The following MYO16 variants were observed in gnomAD, a reference collection of about 807,000 sequenced individuals.
MYO16 encodes the protein unconventional myosin-XVI.
MYO16 carries 94 observed loss-of-function variants against 205.3 expected under a neutral mutation model. That is an observed-to-expected ratio of 0.46 (90% CI 0.39 to 0.54). The LOEUF (loss-of-function observed/expected upper bound fraction) is 0.54. MYO16 is among the 20% of genes least tolerant of loss of function. MYO16 has a pLI of 0.00. For synonymous variants in MYO16, 988 were observed against 954.0 expected (o/e 1.04, Z -0.66); for missense variants, 2,315 against 2,387.5 (o/e 0.97, Z 0.63).
At chr13:108,826,529 G>A (rs569695758) in intron 9 of MYO16, among the ~76,000 whole-genome samples, 30 of 151,876 alleles carry the variant, frequency 2.0e-4, no homozygotes, top group African/African-American at 3.1e-4. Context: ...ATATGACACC[G>A]AAAGATAAGC....
At chr13:108,946,931 T>C (rs746951494) in intron 16 of MYO16, among the ~76,000 whole-genome samples, 2 of 152,064 alleles carry the variant, frequency 1.3e-5, no homozygotes, top group Non-Finnish European at 2.9e-5. Context: ...TTGTAGAGAC[T>C]GGGTAATTAA....
At chr13:109,188,551 C>T (rs1236154535) in intron 34 of MYO16, among the ~76,000 whole-genome samples, 12 of 152,180 alleles carry the variant, frequency 7.9e-5, no homozygotes, top group East Asian at 1.9e-4. Context: ...AGAACTAACA[C>T]GATAGATGAA....
At chr13:108,571,530 T>A in the MYO16 span, among the ~76,000 whole-genome samples, 1 of 152,164 alleles carries the variant, frequency 6.6e-6, no homozygotes, top group Non-Finnish European at 1.5e-5. Context: ...TTTTTTAAAA[T>A]GTCAAATGTG....
At chr13:108,501,517 C>A in the MYO16 span, among the ~76,000 whole-genome samples, 3 of 152,226 alleles carry the variant, frequency 2.0e-5, no homozygotes, top group Admixed American at 2.0e-4. Flanking sequence ...AGTTACACTG[C>A]TAGCTTAGCG....
At chr13:109,153,414 G>A (rs899332289) in intron 32 of MYO16, among the ~76,000 whole-genome samples, 2 of 113,208 alleles carry the variant, frequency 1.8e-5, no homozygotes, top group African/African-American at 3.1e-5. Context: ...GATATAGAAA[G>A]GATAGATTTT....
chr13:108,958,149 TTATAA>T (rs66692225), intron 17 of MYO16, among the ~76,000 whole-genome samples: 16,499 of 147,662 alleles, frequency 0.11, 1,062 homozygotes, highest in Non-Finnish European at 0.15. Context: ...AAATATATAT[TTATAA>T]TATATCATTT....
At chr13:108,876,670 T>TC (rs963697750) in intron 12 of MYO16, among the ~76,000 whole-genome samples, 11 of 6,332 alleles carry the variant, frequency 1.7e-3, no homozygotes, top group African/African-American at 4.2e-3. Context: ...ATTCTCTCTC[T>TC]TTTTTTTTTT....
chr13:109,178,116 T>G (rs1285888948), intron 33 of MYO16, among the ~76,000 whole-genome samples: 2 of 152,248 alleles, frequency 1.3e-5, no homozygotes, highest in East Asian at 3.9e-4. Flanking sequence ...TTGTGCCTGA[T>G]CTTGGATTGA....
chr13:108,731,811 A>T (rs1045900899), intron 4 of MYO16, among the ~76,000 whole-genome samples: 4 of 152,214 alleles, frequency 2.6e-5, no homozygotes, highest in Admixed American at 6.5e-5. Context: ...TTATTCATTC[A>T]TTCATTTACT....
At chr13:109,084,766 TG>T (rs1352677384) in intron 27 of MYO16, among the ~76,000 whole-genome samples, 2 of 151,910 alleles carry the variant, frequency 1.3e-5, no homozygotes, top group African/African-American at 2.4e-5. Flanking sequence ...AGCAATAGTT[TG>T]TGAATGTCTG....
intron 16 of MYO16, among the ~76,000 whole-genome samples, chr13:108,950,776 C>G (rs1457431042): frequency 6.6e-6 from 1 of 152,136 alleles, no homozygotes. Context: ...TCATAAGAGC[C>G]CCACTAGGAA....
At chr13:108,974,289 C>T in intron 20 of MYO16, among the ~76,000 whole-genome samples, 1 of 152,094 alleles carries the variant, frequency 6.6e-6, no homozygotes, top group Non-Finnish European at 1.5e-5. Context: ...CTGATTGATA[C>T]AATCAGGTAG....
At chr13:108,595,352 C>T (rs186724604), upstream of MYO16, among the ~76,000 whole-genome samples, 17 of 152,240 alleles carry the variant, frequency 1.1e-4, no homozygotes, top group Admixed American at 1.1e-3. Context: ...CAGGTCAAAT[C>T]TCCCCACCCC....
chr13:108,887,361 C>T (rs1413871195), intron 13 of MYO16, among the ~76,000 whole-genome samples: 1 of 152,102 alleles, frequency 6.6e-6, no homozygotes, highest in East Asian at 1.9e-4. Context: ...TAGATGTTTC[C>T]AGGCAGAAAA....
At chr13:108,944,039 A>G (rs1412568383) in intron 16 of MYO16, among the ~76,000 whole-genome samples, 1 of 152,238 alleles carries the variant, frequency 6.6e-6, no homozygotes, top group African/African-American at 2.4e-5. Context: ...TCAGGGTTCC[A>G]GCCCCAAATA....
intron 22 of MYO16, among the ~76,000 whole-genome samples, chr13:109,015,966 C>T (rs909831938): frequency 6.6e-6 from 1 of 151,900 alleles, no homozygotes; most frequent in South Asian, 2.1e-4. Flanking sequence ...ATCTCCTTGA[C>T]TTCTGCTCTG....
At chr13:108,842,363 TATG>T (rs760882729) in intron 9 of MYO16, among the ~76,000 whole-genome samples, 3 of 152,080 alleles carry the variant, frequency 2.0e-5, no homozygotes, top group Non-Finnish European at 4.4e-5. Context: ...TGCAAATATA[TATG>T]ATAAGGGGTA....
chr13:109,077,192 G>A (rs1888136965), intron 27 of MYO16, among the ~76,000 whole-genome samples: 3 of 151,932 alleles, frequency 2.0e-5, no homozygotes, highest in Admixed American at 2.0e-4. Context: ...GCTAATTTTT[G>A]TATTTTTAGT....
chr13:108,734,011 A>G (rs577098411), intron 4 of MYO16, among the ~76,000 whole-genome samples: 6 of 152,320 alleles, frequency 3.9e-5, no homozygotes, highest in African/African-American at 1.4e-4. Flanking sequence ...TTCTTATTTA[A>G]GGTAGTGTGT....
Sources: allele counts gnomAD v4.1 joint callset (sites outside exome capture counted in the v4.1 genomes callset), GRCh38; gene constraint gnomAD v4.1.1; transcripts MANE v1.5; gene names NCBI Gene and HGNC (gene_info 2026-07-23, HGNC 2026-07-21).